HDAC5: variants seen among roughly 807,000 people sequenced by gnomAD.
HDAC5 encodes antigen NY-CO-9.
Under a neutral mutation model 133.3 loss-of-function variants are expected in HDAC5, and 25 were observed. That is an observed-to-expected ratio of 0.19 (90% CI 0.14 to 0.26). The LOEUF (loss-of-function observed/expected upper bound fraction) is 0.26. Among genes scored for constraint, HDAC5 ranks in the 10% least tolerant of loss-of-function variants. The pLI is 1.00. For missense variants in HDAC5, 1,041 were observed against 1,460.5 expected (o/e 0.71, Z 4.68); for synonymous variants, 589 against 610.8 (o/e 0.96, Z 0.53).
intron 3 of HDAC5, among the ~76,000 whole-genome samples, chr17:44,099,385 A>G (rs2143400852): frequency 1.3e-5 from 2 of 151,632 alleles, no homozygotes; most frequent in Admixed American, 1.3e-4. Context: ...CACCATCCTG[A>G]CCTCTGGTTT....
At position 44,078,135 on chromosome 17, in the gene HDAC5, TG is replaced by T; in HGVS notation, c.*240del. 2.4e-6 allele frequency: 1 copy of T among 408,700 alleles called. No homozygotes were observed. Among genetic ancestry groups the T allele is most frequent in the Non-Finnish European group, 4.3e-6 (1 of 231,470 alleles). 25.3% of individuals were successfully genotyped at this position (408,700 alleles called of 1,614,324 possible). A position where few individuals can be genotyped will look rare whatever the true frequency, so the allele number is the denominator to read the frequency against. Reference sequence around the variant, plus strand: ...AAAGGACAGACAGAATGCAGGAAAATGGGGGGAGGGACACATGGGACAGGGC... The same window carrying T: ...AAAGGACAGACAGAATGCAGGAAAATGGGGGAGGGACACATGGGACAGGGC... On this transcript the variant is annotated 3_prime_UTR_variant, in exon 27 of 27. Transcript: ENST00000682912.
chr17:44,087,722 C>T (rs1186489336), intron 12 of HDAC5, 26 bp from the exon 13 acceptor site: 2 of 1,541,618 alleles, frequency 1.3e-6, no homozygotes, highest in South Asian at 2.5e-5. Flanking sequence ...GGGGGCACAT[C>T]AGCTGGGAGT....
chr17:44,079,617 G>T (rs549195405), intron 23 of HDAC5, among the ~76,000 whole-genome samples: 6 of 126,994 alleles, frequency 4.7e-5, no homozygotes, highest in Admixed American at 3.0e-4. Context: ...TCCAGCCTGG[G>T]TGACAGAGTG....
chr17:44,091,708 G>A lies in HDAC5; in HGVS notation c.1156C>T (p.His386Tyr), dbSNP rs368652235. The A allele has an allele frequency of 6.4e-7, 1 of 1,567,552 alleles. No individual in the cohort carries two copies. Among genetic ancestry groups the A allele is most frequent in the Non-Finnish European group, 8.6e-7 (1 of 1,158,196 alleles). Reference sequence around the variant, plus strand: ...ATATGCCCTGTACTTACAGTGAGGTGTGAGTTGGTGACAGTGACCGTGGCC... The same window carrying A: ...ATATGCCCTGTACTTACAGTGAGGTATGAGTTGGTGACAGTGACCGTGGCC... Reference protein sequence around the residue: ...LQATVTVTNSHLTASPKLSTQ... With the variant: ...LQATVTVTNSYLTASPKLSTQ... The change falls in exon 10 of 27, where the codon CAC becomes TAC. Residue 386 changes from histidine (H) to tyrosine (Y), a missense_variant. His to Tyr is a moderately conservative substitution (Grantham distance 83). This residue lies in a region of HDAC5 where 433 missense variants were observed against 531.6 expected (regional missense o/e 0.81). Transcript: ENST00000682912.
rs2052724206 is a variant in HDAC5, at chr17:44,117,546, TG to T, written c.-32del. On this transcript the variant is annotated 5_prime_UTR_variant, in exon 2 of 27. Coordinates refer to ENST00000682912, the MANE Select transcript of HDAC5 (RefSeq NM_005474.5). This position sits in a 1 kb window ranked among gnomAD's most constrained non-coding sequence, Gnocchi z 4.2. Reference sequence around the variant, plus strand: ...CTCTGGGCCTGCAGGAAGCTGGCGTTGGGGGCTGGGACGGGAGGGGGTGGAG... The same window carrying T: ...CTCTGGGCCTGCAGGAAGCTGGCGTTGGGGCTGGGACGGGAGGGGGTGGAG... 4 of 1,612,324 alleles carry T rather than the reference TG, an allele frequency of 2.5e-6. No individual in the cohort carries two copies. The highest frequency in any genetic ancestry group is 3.4e-6 in the Non-Finnish European group (4 of 1,179,446).
chr17:44,117,612 C>CG lies in HDAC5; in HGVS notation c.-98dup. The CG allele has an allele frequency of 6.9e-7, 1 of 1,445,468 alleles. No individual in the cohort carries two copies. The allele number at this position is 1,445,468 out of a possible 1,614,324, so 89.5% of individuals were successfully genotyped here. On this transcript the variant is annotated 5_prime_UTR_variant, in exon 2 of 27. The change abolishes the stop of an existing upstream ORF in the 5' untranslated region. Coordinates refer to ENST00000682912, the MANE Select transcript of HDAC5 (RefSeq NM_005474.5). This position sits in a 1 kb window ranked among gnomAD's most constrained non-coding sequence, Gnocchi z 4.2. ...AGAGAGACAGACGATAACAGACAGA[C>CG]GGACGGGACGGGAGCCCGGGGCCGC...
At chr17:44,107,970 G>A (rs1163603332) in intron 3 of HDAC5, among the ~76,000 whole-genome samples, 2 of 152,280 alleles carry the variant, frequency 1.3e-5, no homozygotes, top group Admixed American at 1.3e-4. Flanking sequence ...GGGGAATCCA[G>A]GGCCCACATA....
intron 11 of HDAC5, among the ~76,000 whole-genome samples, chr17:44,090,158 G>A (rs533751562): frequency 6.6e-5 from 10 of 151,436 alleles, no homozygotes; most frequent in South Asian, 4.2e-4. Context: ...GCTTGAACCC[G>A]GGAGGCAGAG....
rs2053143458 is a variant in HDAC5 at position 44,123,535 on chromosome 17, G to GGCGGCGGCAGCAGCGGCGGCGGCA, written c.-245_-222dup. ...CGGCTCGAGCTCCGGCTTCGCGGGC[G>GGCGGCGGCAGCAGCGGCGGCGGCA]GCGGCGGCAGCAGCGGCGGCGGCAG... is the stretch of plus-strand genomic sequence containing the variant. On this transcript the variant is annotated 5_prime_UTR_variant, in exon 1 of 27. Coordinates refer to ENST00000682912, the MANE Select transcript of HDAC5 (RefSeq NM_005474.5). The GGCGGCGGCAGCAGCGGCGGCGGCA allele has an allele frequency of 2.5e-6, 1 of 397,388 alleles. No individual in the cohort carries two copies. Among genetic ancestry groups the GGCGGCGGCAGCAGCGGCGGCGGCA allele is most frequent in the African/African-American group, 2.1e-5 (1 of 48,262 alleles). The allele number at this position is 397,388 out of a possible 1,614,324, so 24.6% of individuals were successfully genotyped here.
chr17:44,091,876 GA>G (rs774434480), intron 9 of HDAC5, 45 bp from the exon 10 acceptor site: 15 of 1,513,984 alleles, frequency 9.9e-6, no homozygotes, highest in Non-Finnish European at 1.3e-5. Context: ...GCACAAAGGG[GA>G]GGCAACAAGG....
At chr17:44,096,257 C>G (rs963981384) in intron 3 of HDAC5, among the ~76,000 whole-genome samples, 2 of 152,054 alleles carry the variant, frequency 1.3e-5, no homozygotes, top group Non-Finnish European at 2.9e-5. Flanking sequence ...AAAGCCCTCA[C>G]TCTCCTCGCT....
intron 14 of HDAC5, among the ~76,000 whole-genome samples, 163 bp downstream of exon 14, chr17:44,086,409 C>A (rs1258188285): frequency 1.3e-5 from 2 of 152,240 alleles, no homozygotes; most frequent in Non-Finnish European, 2.9e-5. Flanking sequence ...CCTGCCGCTA[C>A]CATGAACAGC....
chr17:44,088,783 A>G (rs2050791983), intron 11 of HDAC5, among the ~76,000 whole-genome samples, 185 bp from the exon 12 acceptor site: 1 of 152,118 alleles, frequency 6.6e-6, no homozygotes, highest in Non-Finnish European at 1.5e-5. Context: ...TTCCCCATGA[A>G]TGAAGAGTTT....
chr17:44,121,573 G>A (rs1349831467), intron 1 of HDAC5, among the ~76,000 whole-genome samples: 7 of 151,832 alleles, frequency 4.6e-5, no homozygotes, highest in African/African-American at 2.4e-5. Flanking sequence ...CTTCAGCACC[G>A]ACTGCACTAC....
In HDAC5 at chr17:44,083,637, C is replaced by G; in HGVS notation, c.2371G>C (p.Val791Leu). The change falls in exon 18 of 27, where the codon GTG becomes CTG. Residue 791 changes from valine (V) to leucine (L), a missense_variant. By Grantham distance (32) the Val-to-Leu change is conservative. This residue lies in a region of HDAC5 where 174 missense variants were observed against 352.7 expected (regional missense o/e 0.49). Coordinates refer to ENST00000682912, the MANE Select transcript of HDAC5 (RefSeq NM_005474.5). The stretch of plus-strand genomic sequence containing the variant: ...CTGGAGGAGTGCATCTCATTCCACA[C>G]GGTGTCACTGTCCACCTGCAGGGCA... Reference protein sequence around the residue: ...CGGIGVDSDTVWNEMHSSSAV... With the variant: ...CGGIGVDSDTLWNEMHSSSAV... 1 of 1,613,874 alleles carries G rather than the reference C, an allele frequency of 6.2e-7. No homozygotes were observed. The highest frequency in any genetic ancestry group is 8.5e-7 in the Non-Finnish European group (1 of 1,179,792).
At chr17:44,092,056 G>A (rs1026848630) in intron 9 of HDAC5, 116 bp downstream of exon 9, 13 of 981,790 alleles carry the variant, frequency 1.3e-5, no homozygotes, top group Middle Eastern at 3.2e-4. Flanking sequence ...TATTCATGTG[G>A]GCAGAGAGGT....
intron 2 of HDAC5, among the ~76,000 whole-genome samples, chr17:44,116,658 G>A (rs1468591918): frequency 2.6e-5 from 4 of 152,014 alleles, no homozygotes; most frequent in Non-Finnish European, 2.9e-5. Flanking sequence ...GGAGACACCC[G>A]AGGAGGAGGA....
Position 44,082,606 on chromosome 17 carries a change from G to T in HDAC5, c.2586C>A (p.Gly862=). The change falls in exon 20 of 27, where the codon GGC becomes GGA. Residue 862 remains glycine (G), a synonymous_variant. Transcript: ENST00000682912. Reference sequence around the variant, plus strand: ...CTACCCAGTCCACGATGAGGACCTTGCCCACGTTCAACTTCTGCTGTAGGA... The same window carrying T: ...CTACCCAGTCCACGATGAGGACCTTTCCCACGTTCAACTTCTGCTGTAGGA... ...AKLLQQKLNV[G]KVLIVDWDIH... The T allele has an allele frequency of 6.2e-7, 1 of 1,613,956 alleles. No individual in the cohort carries two copies. Among genetic ancestry groups the T allele is most frequent in the Non-Finnish European group, 8.5e-7 (1 of 1,179,824 alleles).
intron 20 of HDAC5, 48 bp from the exon 21 acceptor site, chr17:44,080,930 C>A: frequency 6.2e-7 from 1 of 1,612,730 alleles, no homozygotes; most frequent in South Asian, 1.1e-5. Context: ...CGCTCTGACC[C>A]AATGGTCAAA....
Sources: allele counts gnomAD v4.1 joint callset (sites outside exome capture counted in the v4.1 genomes callset), GRCh38; gene constraint gnomAD v4.1.1; regional missense constraint gnomAD v4.1.1; non-coding constraint Gnocchi (gnomAD v3.1); transcripts MANE v1.5; gene names NCBI Gene and HGNC (gene_info 2026-07-23, HGNC 2026-07-21).